The following CELF2 variants were observed in gnomAD, a reference collection of about 807,000 sequenced individuals.
CELF2 encodes the protein CUG triplet repeat RNA-binding protein 2.
In CELF2, 8 loss-of-function variants were observed where a neutral mutation model predicts 62.6. The ratio of observed to expected loss-of-function variants is 0.13; its 90% confidence interval spans 0.07 to 0.23. The LOEUF (loss-of-function observed/expected upper bound fraction) is 0.23, where lower values mean the gene tolerates loss of function less well. Among genes scored for constraint, CELF2 ranks in the 10% least tolerant of loss-of-function variants. The pLI is 1.00. For missense variants in CELF2, 333 were observed against 671.0 expected, an observed-to-expected ratio of 0.50 and a Z score of 5.56; for synonymous variants, 258 against 250.0, an observed-to-expected ratio of 1.03 and a Z score of -0.30.
At chr10:11,014,725 C>CA (rs2056995037), upstream of CELF2, among the ~76,000 whole-genome samples, 1 of 152,068 alleles carries the variant, frequency 6.6e-6, no homozygotes, top group African/African-American at 2.4e-5. Flanking sequence ...TGAAACTGCA[C>CA]AGTGCTTTCC....
intron 8 of CELF2, among the ~76,000 whole-genome samples, chr10:11,279,967 G>T (rs1294068298): frequency 6.6e-6 from 1 of 152,162 alleles, no homozygotes; most frequent in Non-Finnish European, 1.5e-5. Flanking sequence ...TTCGAGAGGT[G>T]CCCATCTGAG....
the CELF2 span, among the ~76,000 whole-genome samples, chr10:10,779,417 C>T: frequency 6.6e-6 from 1 of 152,178 alleles, no homozygotes; most frequent in Non-Finnish European, 1.5e-5. Context: ...CAGCAAATGT[C>T]TTTATTCTTG....
intron 3 of CELF2, among the ~76,000 whole-genome samples, chr10:11,248,835 A>G (rs1056316414): frequency 9.9e-5 from 15 of 152,242 alleles, no homozygotes; most frequent in African/African-American, 3.1e-4. Context: ...GCTGTAATAA[A>G]TGGCAGGAGC....
chr10:11,293,481 C>T (rs2092780714), intron 9 of CELF2, among the ~76,000 whole-genome samples: 2 of 152,316 alleles, frequency 1.3e-5, no homozygotes, highest in African/African-American at 2.4e-5. Context: ...GTTCCTAGCT[C>T]ATTCTAGACC....
At chr10:10,827,055 G>A (rs2057449447) in intron 1 of CELF2, among the ~76,000 whole-genome samples, 1 of 152,220 alleles carries the variant, frequency 6.6e-6, no homozygotes, top group Non-Finnish European at 1.5e-5. Flanking sequence ...GTAGGACTAA[G>A]TAATTCTGCG....
rs1388591980 is a variant in CELF2, at chr10:11,328,166, C to G, written c.1439-760C>G. ...CTCTTCAGATGATTAAGTTCTAAGC[C>G]GTTGACTATGTATCCCCCAGACTTT... On this transcript the variant is annotated intron_variant, in intron 12 of 12. Coordinates refer to ENST00000633077, the MANE Select transcript of CELF2 (RefSeq NM_001326342.2). This position sits in a 1 kb window ranked among gnomAD's most constrained non-coding sequence, Gnocchi z 6.4. Among the ~76,000 whole-genome samples, 1 of 152,156 alleles carries G rather than the reference C, an allele frequency of 6.6e-6. No homozygotes were observed. Among genetic ancestry groups the G allele is most frequent in the Non-Finnish European group, 1.5e-5 (1 of 68,038 alleles).
At chr10:10,594,645 T>C in the CELF2 span, among the ~76,000 whole-genome samples, 1 of 152,092 alleles carries the variant, frequency 6.6e-6, no homozygotes, top group African/African-American at 2.4e-5. Context: ...GGTCATCAGG[T>C]AGGAAGAAAA....
chr10:10,532,235 T>C, the CELF2 span, among the ~76,000 whole-genome samples: 1 of 152,252 alleles, frequency 6.6e-6, no homozygotes. Flanking sequence ...TGGCCACAAA[T>C]TTGGAAAGTT....
chr10:11,236,212 T>C (rs1480307382), intron 3 of CELF2, among the ~76,000 whole-genome samples: 1 of 152,238 alleles, frequency 6.6e-6, no homozygotes, highest in Non-Finnish European at 1.5e-5. Context: ...GAAATGCCCG[T>C]ATCCTGTCAG....
At chr10:10,678,046 G>T in the CELF2 span, among the ~76,000 whole-genome samples, 1 of 152,096 alleles carries the variant, frequency 6.6e-6, no homozygotes, top group Admixed American at 6.6e-5. Context: ...GCAGACTACT[G>T]GTGCAAGCCT....
At chr10:10,765,298 A>G in the CELF2 span, among the ~76,000 whole-genome samples, 1 of 152,174 alleles carries the variant, frequency 6.6e-6, no homozygotes, top group African/African-American at 2.4e-5. Context: ...ACAAAAGTAG[A>G]AGGCGCAGGG....
rs1279325339 is a variant in CELF2 at position 11,098,799 on chromosome 10, T to C, written c.75-66687T>C. On this transcript the variant is annotated intron_variant, in intron 1 of 12. Coordinates refer to ENST00000633077, the MANE Select transcript of CELF2 (RefSeq NM_001326342.2). The surrounding 1 kb of genome is among the most constrained non-coding windows in gnomAD (Gnocchi z 4.0). ...TTCTATGAACTGCTGGACAGCTGATTTGACCGAGGCTTCTTGGCTCTGCAC... is the reference window on the plus strand; with the variant it reads ...TTCTATGAACTGCTGGACAGCTGATCTGACCGAGGCTTCTTGGCTCTGCAC... 3.3e-5 allele frequency among the ~76,000 whole-genome samples: 5 copies of C among 152,182 alleles called. No individual in the cohort carries two copies. The highest frequency in any genetic ancestry group is 5.9e-5 in the Non-Finnish European group (4 of 68,030).
At chr10:10,648,451 A>G in the CELF2 span, among the ~76,000 whole-genome samples, 13 of 152,212 alleles carry the variant, frequency 8.5e-5, no homozygotes, top group Non-Finnish European at 1.6e-4. Flanking sequence ...TCTTTCATGC[A>G]TACTTATCGC....
Position 10,857,431 on chromosome 10 carries a change from C to T in CELF2, c.53+58614C>T, listed in dbSNP as rs553268217. The stretch of plus-strand genomic sequence containing the variant: ...GGAGTAAAGGCTAATGTAGAATCAC[C>T]CCAACAAAGCTTAAAAACAAATCTC... On this transcript the variant is annotated intron_variant, in intron 1 of 13. Coordinates refer to the CELF2 transcript ENST00000636488. Among the ~76,000 whole-genome samples, 4 of 151,486 alleles carry T rather than the reference C, an allele frequency of 2.6e-5. No homozygotes were observed. In the East Asian group the frequency reaches 7.8e-4, roughly 30 times the overall value.
intron 1 of CELF2, among the ~76,000 whole-genome samples, chr10:11,047,284 T>G (rs2063036092): frequency 6.6e-6 from 1 of 152,130 alleles, no homozygotes; most frequent in Non-Finnish European, 1.5e-5. Flanking sequence ...ATGAGTTCAG[T>G]TTTGAGATGA....
At chr10:11,048,241 A>T (rs904709537) in intron 1 of CELF2, among the ~76,000 whole-genome samples, 2 of 152,240 alleles carry the variant, frequency 1.3e-5, no homozygotes, top group African/African-American at 4.8e-5. Context: ...GGAGAGTTTT[A>T]TAGCTGCAGG....
rs1328920414 is a variant in CELF2 at position 11,008,369 on chromosome 10, CCT to C, written c.53+2930_53+2931del. Among the ~76,000 whole-genome samples, 6 of 152,290 alleles carry C rather than the reference CCT, an allele frequency of 3.9e-5. No individual in the cohort carries two copies. The East Asian group carries it at 9.6e-4, about 24-fold the overall frequency. ...GACCACAGACTGAGATCTCTAACCC[CCT>C]GTGTATGAATATTCCTTGATTTGTT... On this transcript the variant is annotated intron_variant, in intron 1 of 12. Transcript: ENST00000416382. The surrounding 1 kb of genome is among the most constrained non-coding windows in gnomAD (Gnocchi z 4.5).
At chr10:11,018,206 C>T (rs375663381) in intron 1 of CELF2, 43 bp downstream of exon 1, 14 of 1,480,512 alleles carry the variant, frequency 9.5e-6, no homozygotes, top group Non-Finnish European at 2.7e-6. Flanking sequence ...CGGGCGTCCT[C>T]CTCCCAGAGT....
intron 1 of CELF2, among the ~76,000 whole-genome samples, chr10:10,899,795 A>C (rs1407811601): frequency 2.6e-5 from 4 of 152,198 alleles, no homozygotes; most frequent in African/African-American, 9.6e-5. Context: ...GGTGCTACGC[A>C]CTTTTAAAGA....
Sources: gnomAD v4.1 joint callset for allele counts (sites outside exome capture counted in the v4.1 genomes callset) on GRCh38, gnomAD v4.1.1 for gene constraint, Gnocchi (gnomAD v3.1) non-coding constraint, MANE v1.5 for transcripts, NCBI Gene and HGNC (gene_info 2026-07-23, HGNC 2026-07-21) for gene names.